The following ADGRB1 variants were observed in gnomAD, a reference collection of about 807,000 sequenced individuals.
The protein encoded by ADGRB1 is brain-specific angiogenesis inhibitor 1.
Under a neutral mutation model 175.7 loss-of-function variants are expected in ADGRB1, and 36 were observed. That is an observed-to-expected ratio of 0.20 (90% CI 0.16 to 0.27). ADGRB1 has a LOEUF of 0.27. Among genes scored for constraint, ADGRB1 ranks in the 10% least tolerant of loss-of-function variants. ADGRB1 has a pLI of 1.00. For synonymous variants in ADGRB1, 1,054 were observed against 979.4 expected (o/e 1.08, Z -1.42); for missense variants, 1,731 against 2,255.3 (o/e 0.77, Z 4.71).
At position 142,475,700 on chromosome 8, in the gene ADGRB1, G is replaced by C. The variant is rs1026285524; in HGVS notation, c.946+65G>C. 3.4e-6 allele frequency: 4 copies of C among 1,176,500 alleles called. No homozygotes were observed. In the Admixed American group the frequency reaches 1.5e-4, roughly 45 times the overall value. The allele number at this position is 1,176,500 out of a possible 1,614,324, so 72.9% of individuals were successfully genotyped here. On this transcript the variant is annotated intron_variant, in intron 3 of 30. Transcript: ENST00000517894. ...GAGGCGGGGCCTGTGAGGGAGGAGA[G>C]GGGGGTGGGGCCCTGGAGAGGAGGG...
intron 12 of ADGRB1, 143 bp from the exon 13 acceptor site, chr8:142,484,513 G>C (rs551087853): frequency 1.3e-5 from 10 of 789,632 alleles, no homozygotes. Context: ...CCCCAAAGTG[G>C]GGTACTCAGA....
intron 1 of ADGRB1, among the ~76,000 whole-genome samples, chr8:142,463,069 C>T (rs527474376): frequency 9.8e-5 from 15 of 152,346 alleles, no homozygotes; most frequent in Admixed American, 3.9e-4. Context: ...CTCACTGTGA[C>T]GGGTAAATTA....
chr8:142,479,189 C>G, intron 7 of ADGRB1, 134 bp from the exon 8 acceptor site: 1 of 1,018,898 alleles, frequency 9.8e-7, no homozygotes, highest in Non-Finnish European at 1.3e-6. Context: ...CCTCCTGCCC[C>G]ACATTCCTGG....
chr8:142,529,854 G>C (rs1844501890), intron 24 of ADGRB1, among the ~76,000 whole-genome samples: 1 of 151,620 alleles, frequency 6.6e-6, no homozygotes, highest in South Asian at 2.1e-4. Context: ...GTGTGCATCT[G>C]TGTGGGTGCA....
chr8:142,512,799 G>T (rs1311996197), intron 18 of ADGRB1, among the ~76,000 whole-genome samples: 1 of 152,242 alleles, frequency 6.6e-6, no homozygotes, highest in East Asian at 1.9e-4. Flanking sequence ...CTCCAGAGTG[G>T]GCCTGGCTTA....
At chr8:142,536,893 C>T (rs1191986459) in intron 25 of ADGRB1, 94 bp from the exon 26 acceptor site, 11 of 1,094,288 alleles carry the variant, frequency 1.0e-5, no homozygotes, top group South Asian at 4.9e-5. Flanking sequence ...TTCCCCGAGA[C>T]GCCCGCCCCC....
chr8:142,543,501 G>T lies in ADGRB1; in HGVS notation c.4449+63G>T. Reference sequence around the variant, plus strand: ...CCAGATGTGCTCTGGGCTCCCACACGGCCAGGCAGCTCCCCGGCAGCCAGG... The same window carrying T: ...CCAGATGTGCTCTGGGCTCCCACACTGCCAGGCAGCTCCCCGGCAGCCAGG... On this transcript the variant is annotated intron_variant, in intron 29 of 30. Transcript: ENST00000517894. This position sits in a 1 kb window ranked among gnomAD's most constrained non-coding sequence, Gnocchi z 4.4. 8.1e-6 allele frequency: 13 copies of T among 1,609,426 alleles called. No homozygotes were observed. The South Asian group carries it at 1.3e-4, about 16-fold the overall frequency.
At chr8:142,518,050 C>A in intron 18 of ADGRB1, 88 bp from the exon 19 acceptor site, 2 of 1,272,056 alleles carry the variant, frequency 1.6e-6, no homozygotes, top group African/African-American at 1.5e-5. Context: ...TGACCCGGGG[C>A]TGCGGGCTCT....
chr8:142,471,657 C>T (rs987962441), intron 2 of ADGRB1, among the ~76,000 whole-genome samples: 3 of 152,256 alleles, frequency 2.0e-5, no homozygotes, highest in African/African-American at 4.8e-5. Flanking sequence ...CGGGGAGCCC[C>T]GCTGCCCCAC....
Position 142,477,297 on chromosome 8 carries a change from TG to T in ADGRB1, c.1222+23del. On this transcript the variant is annotated intron_variant, in intron 5 of 30. Transcript: ENST00000517894. Reference sequence around the variant, plus strand: ...TGCCCAGGTGGGTGGGACCTTGGGCTGGGGCAGCGGACAGCCAGGGCAGCGG... The same window carrying T: ...TGCCCAGGTGGGTGGGACCTTGGGCTGGGCAGCGGACAGCCAGGGCAGCGG... The T allele has an allele frequency of 1.3e-6, 2 of 1,502,920 alleles. No homozygotes were observed. The highest frequency in any genetic ancestry group is 9.0e-7 in the Non-Finnish European group (1 of 1,109,552). The allele number at this position is 1,502,920 out of a possible 1,614,324, so 93.1% of individuals were successfully genotyped here. A position where few individuals can be genotyped will look rare whatever the true frequency, so the allele number is the denominator to read the frequency against.
chr8:142,515,593 A>G (rs1843371130), intron 18 of ADGRB1, among the ~76,000 whole-genome samples: 1 of 152,240 alleles, frequency 6.6e-6, no homozygotes, highest in Non-Finnish European at 1.5e-5. Flanking sequence ...AGCCGGCCTC[A>G]GGCCAGCCCA....
At chr8:142,480,301 C>A (rs924218958) in intron 9 of ADGRB1, among the ~76,000 whole-genome samples, 4 of 152,196 alleles carry the variant, frequency 2.6e-5, no homozygotes, top group Non-Finnish European at 5.9e-5. Flanking sequence ...TGGGTTCAAA[C>A]TCTGGTTCTG....
At chr8:142,452,648 G>A (rs1839422145) in intron 1 of ADGRB1, among the ~76,000 whole-genome samples, 1 of 152,184 alleles carries the variant, frequency 6.6e-6, no homozygotes, top group East Asian at 1.9e-4. Flanking sequence ...CGTCAGGGTG[G>A]CCCGAGTCCC....
rs1042240211 is a variant in ADGRB1, at chr8:142,455,044, G to A, written c.-220+4940G>A. Among the ~76,000 whole-genome samples the A allele has an allele frequency of 7.3e-5, 11 of 150,362 alleles. No individual in the cohort carries two copies. The highest frequency in any genetic ancestry group is 4.0e-4 in the Admixed American group (6 of 15,094). On this transcript the variant is annotated intron_variant, in intron 1 of 30. Coordinates refer to ENST00000517894, the MANE Select transcript of ADGRB1 (RefSeq NM_001702.3). The surrounding 1 kb of genome is among the most constrained non-coding windows in gnomAD (Gnocchi z 4.9). ...CCTTCTGTCCCCTGTCCTGCTCATCGCCAGCCGCAGCACCCTCATATTTGA... is the reference window on the plus strand; with the variant it reads ...CCTTCTGTCCCCTGTCCTGCTCATCACCAGCCGCAGCACCCTCATATTTGA...
chr8:142,481,381 G>T (rs947779862), intron 10 of ADGRB1, 21 bp downstream of exon 10: 16 of 1,611,934 alleles, frequency 9.9e-6, no homozygotes, highest in Middle Eastern at 1.6e-4. Context: ...GTTCCCGGGG[G>T]TCTCCAACCC....
Position 142,542,663 on chromosome 8 carries a change from G to C in ADGRB1, c.4413+16G>C. The C allele has an allele frequency of 6.5e-7, 1 of 1,536,122 alleles. No individual in the cohort carries two copies. The highest frequency in any genetic ancestry group is 2.0e-5 in the Admixed American group (1 of 49,830). On this transcript the variant is annotated intron_variant, in intron 28 of 30. Coordinates refer to ENST00000517894, the MANE Select transcript of ADGRB1 (RefSeq NM_001702.3). This position sits in a 1 kb window ranked among gnomAD's most constrained non-coding sequence, Gnocchi z 6.3. ...CTCCCTGGAGGTGAGGGGGGCAGGGGTGGGCCACACCCCAGCCAGCGAGGG... is the reference window on the plus strand; with the variant it reads ...CTCCCTGGAGGTGAGGGGGGCAGGGCTGGGCCACACCCCAGCCAGCGAGGG...
chr8:142,499,612 G>T (rs539812037), intron 17 of ADGRB1, among the ~76,000 whole-genome samples: 2 of 152,138 alleles, frequency 1.3e-5, no homozygotes, highest in African/African-American at 4.8e-5. Context: ...AGCGCTGCCT[G>T]CGAGGTGTCT....
In ADGRB1 at chr8:142,510,004, G is replaced by A. The variant is rs1196964328; in HGVS notation, c.2676-928G>A. Among the ~76,000 whole-genome samples the A allele has an allele frequency of 6.6e-6, 1 of 152,154 alleles. No individual in the cohort carries two copies. Among genetic ancestry groups the A allele is most frequent in the Non-Finnish European group, 1.5e-5 (1 of 68,038 alleles). On this transcript the variant is annotated intron_variant, in intron 17 of 30. Coordinates refer to ENST00000517894, the MANE Select transcript of ADGRB1 (RefSeq NM_001702.3). The surrounding 1 kb of genome is among the most constrained non-coding windows in gnomAD (Gnocchi z 6.3). ...CAGGTCTGTGAAGGAGGGACACGGT[G>A]GCTTCCGGACAGGAGGGCTGCCTTG...
chr8:142,518,093 G>A (rs371745358), intron 18 of ADGRB1, 45 bp from the exon 19 acceptor site: 21 of 1,583,688 alleles, frequency 1.3e-5, no homozygotes, highest in Middle Eastern at 1.7e-4. Context: ...CCGAGTGGGC[G>A]AGTGGGGTGC....
Sources: allele counts gnomAD v4.1 joint callset (sites outside exome capture counted in the v4.1 genomes callset), GRCh38; gene constraint gnomAD v4.1.1; non-coding constraint Gnocchi (gnomAD v3.1); transcripts MANE v1.5; gene names NCBI Gene and HGNC (gene_info 2026-07-23, HGNC 2026-07-21).